Variants in FBN2 observed in about 807,000 individuals in gnomAD.
FBN2 encodes the protein fibrillin-2.
Under a neutral mutation model 355.6 loss-of-function variants are expected in FBN2, and 105 were observed. The observed-to-expected ratio is 0.30, with a 90% CI of 0.25 to 0.35. The LOEUF (loss-of-function observed/expected upper bound fraction) is 0.35. FBN2 is among the 10% of genes least tolerant of loss of function. FBN2 has a pLI of 1.00. For missense variants in FBN2, 3,280 were observed against 3,758.7 expected, an observed-to-expected ratio of 0.87 and a Z score of 3.33; for synonymous variants, 1,350 against 1,301.2, an observed-to-expected ratio of 1.04 and a Z score of -0.81.
intron 5 of FBN2, among the ~76,000 whole-genome samples, chr5:128,501,260 C>T (rs1225901756): frequency 6.6e-6 from 1 of 152,106 alleles, no homozygotes; most frequent in Admixed American, 6.5e-5. Context: ...GAAGAATAAC[C>T]TGAGAAAGTA....
chr5:128,499,097 T>C (rs1452852056), intron 5 of FBN2, among the ~76,000 whole-genome samples: 4 of 152,164 alleles, frequency 2.6e-5, no homozygotes, highest in African/African-American at 7.2e-5. Flanking sequence ...GATTTAAAAG[T>C]ATGAGAGATG....
intron 18 of FBN2, 82 bp from the exon 19 acceptor site, chr5:128,361,930 T>G: frequency 7.2e-7 from 1 of 1,386,058 alleles, no homozygotes; most frequent in South Asian, 1.2e-5. Flanking sequence ...TTTTGTTATT[T>G]GTTTTATTTC....
chr5:128,372,845 T>G (rs1294054813), intron 15 of FBN2, among the ~76,000 whole-genome samples: 1 of 152,088 alleles, frequency 6.6e-6, no homozygotes, highest in African/African-American at 2.4e-5. Context: ...CAGACTGGTC[T>G]TGAACTCCTG....
At position 128,393,145 on chromosome 5, in the gene FBN2, G is replaced by T; in HGVS notation, c.1455C>A (p.Ile485=). ...GVGAGGQGPI[I]TGLTILNQTI... is the part of the protein sequence containing the mutation. ...AAACTGACCACTTACTTAGTCCAGT[G>T]ATGATAGGTCCCTGTCCCCCGGCCC... Residue 485 remains isoleucine, a synonymous_variant, in exon 10 of 65, where the codon ATC becomes ATA. Transcript: ENST00000262464. 1 of 1,613,126 alleles carries T rather than the reference G, an allele frequency of 6.2e-7. No homozygotes were observed. Among genetic ancestry groups the T allele is most frequent in the Non-Finnish European group, 8.5e-7 (1 of 1,179,072 alleles).
chr5:128,291,744 T>C (rs1357836706), intron 48 of FBN2, 90 bp from the exon 49 acceptor site: 1 of 1,170,590 alleles, frequency 8.5e-7, no homozygotes, highest in Non-Finnish European at 1.3e-6. Context: ...CAGCTGATAT[T>C]TCAGACAAGA....
intron 7 of FBN2, among the ~76,000 whole-genome samples, chr5:128,427,128 A>C (rs999883890): frequency 1.3e-5 from 2 of 151,984 alleles, no homozygotes; most frequent in Non-Finnish European, 2.9e-5. Context: ...ACCCTCTAAA[A>C]CTAAGCTCCT....
intron 7 of FBN2, among the ~76,000 whole-genome samples, chr5:128,441,569 G>A (rs1753922177): frequency 6.6e-6 from 1 of 152,162 alleles, no homozygotes; most frequent in Non-Finnish European, 1.5e-5. Context: ...GATAACCCAT[G>A]TAAAGTAGTT....
Position 128,316,103 on chromosome 5 carries a change from G to A in FBN2, c.4717+2046C>T, listed in dbSNP as rs148540277. 8.1e-3 allele frequency among the ~76,000 whole-genome samples: 1,237 copies of A among 152,246 alleles called. 16 individuals are homozygous for A. Among genetic ancestry groups the A allele is most frequent in the African/African-American group, 0.028 (1,182 of 41,550 alleles). ...CTGTGTTCAATAAATGCTAAAAGAAGATTTCAAGTAAGGTGTCTCCAGTCT... is the reference window on the plus strand; with the variant it reads ...CTGTGTTCAATAAATGCTAAAAGAAAATTTCAAGTAAGGTGTCTCCAGTCT... On this transcript the variant is annotated intron_variant, in intron 36 of 64. Transcript: ENST00000262464.
At chr5:128,528,842 G>A (rs1452259898) in intron 3 of FBN2, among the ~76,000 whole-genome samples, 1 of 152,230 alleles carries the variant, frequency 6.6e-6, no homozygotes, top group African/African-American at 2.4e-5. Context: ...CGGATTTGAA[G>A]AGGGCGAGAG....
At chr5:128,362,412 A>G (rs763962808) in intron 18 of FBN2, among the ~76,000 whole-genome samples, 5 of 152,214 alleles carry the variant, frequency 3.3e-5, no homozygotes, top group Non-Finnish European at 7.3e-5. Flanking sequence ...GCAGTCCAGA[A>G]CAGCCTAGAG....
In FBN2 at chr5:128,309,905, C is replaced by T; in HGVS notation, c.5200+78G>A. 5 of 1,491,074 alleles carry T rather than the reference C, an allele frequency of 3.4e-6. No individual in the cohort carries two copies. The Admixed American group carries it at 5.0e-5, about 15-fold the overall frequency. 92.4% of individuals were successfully genotyped at this position (1,491,074 alleles called of 1,614,324 possible). On this transcript the variant is annotated intron_variant, in intron 40 of 64. Transcript: ENST00000262464. ...AAGACTGAACTTCCAAACTTCCAAACAATAATTCTGAGACGTAAGTGCTTT... is the reference window on the plus strand; with the variant it reads ...AAGACTGAACTTCCAAACTTCCAAATAATAATTCTGAGACGTAAGTGCTTT...
At chr5:128,323,278 G>A (rs1364442343) in intron 34 of FBN2, among the ~76,000 whole-genome samples, 1 of 152,192 alleles carries the variant, frequency 6.6e-6, no homozygotes, top group Non-Finnish European at 1.5e-5. Flanking sequence ...GCCCTGGCCA[G>A]AACTTTCAAT....
At chr5:128,464,972 C>T (rs2127084633) in intron 5 of FBN2, 51 bp from the exon 6 acceptor site, 1 of 1,541,256 alleles carries the variant, frequency 6.5e-7, no homozygotes, top group Non-Finnish European at 9.0e-7. Flanking sequence ...ATATACTAAT[C>T]TTATACCAGT....
At chr5:128,522,687 T>C (rs1342937953) in intron 4 of FBN2, among the ~76,000 whole-genome samples, 2 of 152,080 alleles carry the variant, frequency 1.3e-5, no homozygotes, top group Non-Finnish European at 2.9e-5. Context: ...AAACCAAAAA[T>C]GGTGAATTTC....
intron 5 of FBN2, among the ~76,000 whole-genome samples, chr5:128,505,594 C>T (rs1473399441): frequency 6.6e-6 from 1 of 152,112 alleles, no homozygotes; most frequent in Non-Finnish European, 1.5e-5. Context: ...TTACAAGTTA[C>T]CACCTGTTCC....
intron 2 of FBN2, among the ~76,000 whole-genome samples, chr5:128,534,031 C>T (rs1055675202): frequency 6.6e-6 from 1 of 152,096 alleles, no homozygotes; most frequent in African/African-American, 2.4e-5. Flanking sequence ...ATTACAGTTT[C>T]TTTTTAATAT....
At chr5:128,411,291 C>T (rs947330120) in intron 7 of FBN2, among the ~76,000 whole-genome samples, 1 of 152,178 alleles carries the variant, frequency 6.6e-6, no homozygotes, top group Admixed American at 6.5e-5. Flanking sequence ...TTGCAGATGG[C>T]TTAAATGTTA....
intron 7 of FBN2, among the ~76,000 whole-genome samples, chr5:128,433,011 G>A (rs1753665217): frequency 6.6e-6 from 1 of 152,092 alleles, no homozygotes; most frequent in Admixed American, 6.5e-5. Context: ...ACTATCATGA[G>A]AACAGCAGTG....
chr5:128,537,320 C>T (rs756904366), intron 1 of FBN2, 30 bp downstream of exon 1: 1 of 1,607,754 alleles, frequency 6.2e-7, no homozygotes, highest in Non-Finnish European at 8.5e-7. Flanking sequence ...CAAGCCGGAG[C>T]CCTAGGTGCG....
Sources: gnomAD v4.1 joint callset for allele counts (sites outside exome capture counted in the v4.1 genomes callset) on GRCh38, gnomAD v4.1.1 for gene constraint, MANE v1.5 for transcripts, NCBI Gene and HGNC (gene_info 2026-07-23, HGNC 2026-07-21) for gene names.